WDR19: variants seen among roughly 807,000 people sequenced by gnomAD.
The protein encoded by WDR19 is WD repeat-containing protein 19.
A neutral mutation model predicts 180.0 loss-of-function variants in WDR19; 121 were observed. The observed-to-expected ratio is 0.67, with a 90% CI of 0.58 to 0.78. The LOEUF (loss-of-function observed/expected upper bound fraction) is 0.78, where lower values mean the gene tolerates loss of function less well. Among genes scored for constraint, WDR19 ranks in the 30% least tolerant of loss-of-function variants. The pLI, the probability that WDR19 is intolerant of heterozygous loss-of-function variation, is 0.00. For missense variants in WDR19, 1,450 were observed against 1,640.7 expected, an observed-to-expected ratio of 0.88 and a Z score of 2.01; for synonymous variants, 497 against 540.7, an observed-to-expected ratio of 0.92 and a Z score of 1.12.
At chr4:39,279,467 T>G (rs1412111027) in intron 36 of WDR19, among the ~76,000 whole-genome samples, 1 of 152,228 alleles carries the variant, frequency 6.6e-6, no homozygotes, top group African/African-American at 2.4e-5. Context: ...TGGCTTTTTA[T>G]TGCACCTGCA....
At chr4:39,185,648 G>A in intron 1 of WDR19, 78 bp from the exon 2 acceptor site, 1 of 1,316,776 alleles carries the variant, frequency 7.6e-7, no homozygotes, top group Non-Finnish European at 1.1e-6. Context: ...TGGTTTTCAT[G>A]ACCATGTTTT....
At position 39,215,980 on chromosome 4, in the gene WDR19, C is replaced by T; in HGVS notation, c.1101C>T (p.Leu367=). ...CAAGGATTGCCTATCTCACCTCCCT[C>T]CTTGAAGTCACCGTAGCCAACCCTG... is the stretch of plus-strand genomic sequence containing the variant. ...CSTRIAYLTS[L]LEVTVANPVE... is the part of the protein sequence containing the mutation. The change falls in exon 11 of 37, where the codon CTC becomes CTT. Residue 367 remains leucine, a synonymous_variant. Transcript: ENST00000399820. 1 of 1,610,884 alleles carries T rather than the reference C, an allele frequency of 6.2e-7. No individual in the cohort carries two copies. The highest frequency in any genetic ancestry group is 8.5e-7 in the Non-Finnish European group (1 of 1,178,640).
intron 9 of WDR19, among the ~76,000 whole-genome samples, chr4:39,213,920 A>G (rs972120204): frequency 2.0e-5 from 3 of 152,198 alleles, no homozygotes; most frequent in Non-Finnish European, 4.4e-5. Flanking sequence ...AATTATCTTA[A>G]AAGTTTAATT....
At chr4:39,255,037 T>C (rs1733612644) in intron 26 of WDR19, among the ~76,000 whole-genome samples, 1 of 152,134 alleles carries the variant, frequency 6.6e-6, no homozygotes, top group Non-Finnish European at 1.5e-5. Flanking sequence ...AATGACTTCT[T>C]GCAAAGTTAT....
chr4:39,241,809 A>AG (rs1731985642), intron 21 of WDR19, among the ~76,000 whole-genome samples: 1 of 130,276 alleles, frequency 7.7e-6, no homozygotes, highest in Non-Finnish European at 1.7e-5. Flanking sequence ...AAAAAAAAAA[A>AG]GAAAGAAAGA....
rs1023368347 is a variant in WDR19, at chr4:39,215,717, TTA to T, written c.962-123_962-122del. 7.6e-6 allele frequency: 8 copies of T among 1,056,598 alleles called. No homozygotes were observed. The African/African-American group carries it at 1.3e-4, about 17-fold the overall frequency. The allele number at this position is 1,056,598 out of a possible 1,614,324, so 65.5% of individuals were successfully genotyped here. The stretch of plus-strand genomic sequence containing the variant: ...TTTCCTAGTCTAAAAAAAAAACTAC[TTA>T]AACTAGTAAGGAAAATATTTGAAAA... On this transcript the variant is annotated intron_variant, in intron 10 of 36. Transcript: ENST00000399820.
At chr4:39,241,164 GT>G (rs1731902224) in intron 21 of WDR19, among the ~76,000 whole-genome samples, 1 of 152,084 alleles carries the variant, frequency 6.6e-6, no homozygotes, top group Admixed American at 6.6e-5. Flanking sequence ...GTTAGGTAAT[GT>G]CTTGTGAAGC....
chr4:39,235,546 A>C (rs1731289532), intron 20 of WDR19, among the ~76,000 whole-genome samples: 1 of 152,188 alleles, frequency 6.6e-6, no homozygotes, highest in African/African-American at 2.4e-5. Flanking sequence ...TTTGCTCTGT[A>C]ATTTCAAACC....
intron 6 of WDR19, among the ~76,000 whole-genome samples, 158 bp downstream of exon 6, chr4:39,199,751 A>G (rs1727184013): frequency 6.6e-6 from 1 of 152,184 alleles, no homozygotes; most frequent in Admixed American, 6.5e-5. Context: ...CTTTCTATTT[A>G]TTGTCAGAAC....
chr4:39,184,000 C>T (rs1725249930), intron 1 of WDR19, among the ~76,000 whole-genome samples: 1 of 152,170 alleles, frequency 6.6e-6, no homozygotes, highest in Non-Finnish European at 1.5e-5. Context: ...AAGTAAGATG[C>T]TTTTAAATAT....
chr4:39,229,644 T>TG (rs1174547333), intron 17 of WDR19, among the ~76,000 whole-genome samples: 6 of 152,192 alleles, frequency 3.9e-5, no homozygotes, highest in Non-Finnish European at 5.9e-5. Flanking sequence ...TGCTGTTTAT[T>TG]GGGGTCTCAT....
intron 3 of WDR19, among the ~76,000 whole-genome samples, chr4:39,187,890 C>G (rs914739531): frequency 6.6e-6 from 1 of 152,188 alleles, no homozygotes; most frequent in Non-Finnish European, 1.5e-5. Flanking sequence ...CTTTAATTAG[C>G]AGATGATTTT....
chr4:39,230,330 C>A (rs773645659), intron 17 of WDR19, among the ~76,000 whole-genome samples: 13 of 152,156 alleles, frequency 8.5e-5, no homozygotes, highest in Non-Finnish European at 1.9e-4. Context: ...ATAAGTGGAG[C>A]CATCTCCTGC....
Position 39,232,240 on chromosome 4 carries a change from C to T in WDR19, c.2221C>T (p.Leu741Phe), listed in dbSNP as rs764220156. ...TTATAACCTGGCTCAGGACTTGTAC[C>T]TTGCATCCAGCTGTCCTATTGCTGC... ...NDYNLAQDLY[L>F]ASSCPIAALE... The change falls in exon 19 of 37, where the codon CTT (leucine) becomes TTT (phenylalanine). Residue 741 changes from leucine (L) to phenylalanine (F), a missense_variant. Coordinates refer to ENST00000399820, the MANE Select transcript of WDR19 (RefSeq NM_025132.4). The T allele has an allele frequency of 1.2e-6, 2 of 1,611,904 alleles. No homozygotes were observed. Among genetic ancestry groups the T allele is most frequent in the Non-Finnish European group, 1.7e-6 (2 of 1,179,182 alleles).
chr4:39,227,194 C>A (rs1332389095), intron 15 of WDR19, among the ~76,000 whole-genome samples: 1 of 152,116 alleles, frequency 6.6e-6, no homozygotes, highest in Non-Finnish European at 1.5e-5. Context: ...ATAATAGCAA[C>A]TACTATGTTA....
rs555892662 is a variant in WDR19, at chr4:39,249,027, C to G, written c.2729+3575C>G. 3.9e-5 allele frequency among the ~76,000 whole-genome samples: 6 copies of G among 152,312 alleles called. No homozygotes were observed. In the South Asian group the frequency reaches 1.2e-3, roughly 32 times the overall value. On this transcript the variant is annotated intron_variant, in intron 24 of 36. Transcript: ENST00000399820. The stretch of plus-strand genomic sequence containing the variant: ...ACCTAATAGACATCTACAGAACTCT[C>G]CACCCCAAATCAACAGAATATACGT...
In WDR19 at chr4:39,205,267, G is replaced by C. The variant is rs1232649308; in HGVS notation, c.716+1G>C. ...TTGGCAACATTGTCTGCTATAATTG[G>C]TATGTCTGCTATAACTGGTATGTAC... On this transcript the variant is annotated splice_donor_variant, in intron 8 of 36. Transcript: ENST00000399820. LOFTEE classifies it high-confidence loss of function. 6.3e-7 allele frequency: 1 copy of C among 1,583,468 alleles called. No individual in the cohort carries two copies. Among genetic ancestry groups the C allele is most frequent in the Non-Finnish European group, 8.6e-7 (1 of 1,162,446 alleles).
chr4:39,222,749 G>C (rs909098603), intron 14 of WDR19, among the ~76,000 whole-genome samples: 1 of 151,940 alleles, frequency 6.6e-6, no homozygotes, highest in African/African-American at 2.4e-5. Context: ...AAATTCACAT[G>C]CAGTTGTAAG....
rs1047110770 is a variant in WDR19, at chr4:39,257,695, A to G, written c.3183+141A>G. 13 of 709,422 alleles carry G rather than the reference A, an allele frequency of 1.8e-5. 1 individual carries two copies. The highest frequency in any genetic ancestry group is 9.3e-5 in the Admixed American group (3 of 32,256). The allele number at this position is 709,422 out of a possible 1,614,324, so 43.9% of individuals were successfully genotyped here. A position where few individuals can be genotyped will look rare whatever the true frequency, so the allele number is the denominator to read the frequency against. ...TATCGTGTAACTTCAACAGCTGTCA[A>G]TACATAGACAGCCTCATTTTTTTCA... On this transcript the variant is annotated intron_variant, in intron 28 of 36. Coordinates refer to ENST00000399820, the MANE Select transcript of WDR19 (RefSeq NM_025132.4).
Sources: allele counts gnomAD v4.1 joint callset (sites outside exome capture counted in the v4.1 genomes callset), GRCh38; gene constraint gnomAD v4.1.1; transcripts MANE v1.5; gene names NCBI Gene and HGNC (gene_info 2026-07-23, HGNC 2026-07-21).